The following TANC1 variants were observed in gnomAD, a reference collection of about 807,000 sequenced individuals.
TANC1 encodes protein TANC1.
In TANC1, 77 loss-of-function variants were observed where a neutral mutation model predicts 149.7. That is an observed-to-expected ratio of 0.51 (90% CI 0.43 to 0.62). The LOEUF is 0.62. Among genes scored for constraint, TANC1 ranks in the 20% least tolerant of loss-of-function variants. TANC1 has a pLI of 0.00. For missense variants in TANC1, 1,985 were observed against 2,321.8 expected, an observed-to-expected ratio of 0.85 and a Z score of 2.98; for synonymous variants, 854 against 925.0, an observed-to-expected ratio of 0.92 and a Z score of 1.39.
intron 14 of TANC1, among the ~76,000 whole-genome samples, chr2:159,181,410 C>T (rs1340251481): frequency 1.3e-5 from 2 of 152,086 alleles, no homozygotes; most frequent in Non-Finnish European, 2.9e-5. Flanking sequence ...CATTCTCCTG[C>T]CTCAGCCTTC....
chr2:159,157,777 T>C (rs2053590733), intron 7 of TANC1, among the ~76,000 whole-genome samples: 1 of 152,218 alleles, frequency 6.6e-6, no homozygotes, highest in African/African-American at 2.4e-5. Flanking sequence ...TGTCAACCAC[T>C]AAGCTAAATA....
At chr2:159,003,395 A>G (rs1408782779) in intron 2 of TANC1, among the ~76,000 whole-genome samples, 2 of 152,222 alleles carry the variant, frequency 1.3e-5, no homozygotes, top group East Asian at 3.8e-4. Flanking sequence ...ATTACCTAAC[A>G]GGATGCTTAG....
At chr2:159,105,437 C>G (rs2047086333) in intron 4 of TANC1, among the ~76,000 whole-genome samples, 1 of 152,222 alleles carries the variant, frequency 6.6e-6, no homozygotes, top group Non-Finnish European at 1.5e-5. Context: ...TAATTACACT[C>G]ACGTTGTTGT....
At chr2:159,057,871 C>T (rs1044275832) in intron 2 of TANC1, among the ~76,000 whole-genome samples, 1 of 152,202 alleles carries the variant, frequency 6.6e-6, no homozygotes, top group South Asian at 2.1e-4. Flanking sequence ...TTTGCTTTCT[C>T]TAATATATCT....
intron 5 of TANC1, among the ~76,000 whole-genome samples, chr2:159,138,592 A>G (rs1488441889): frequency 6.6e-6 from 1 of 152,218 alleles, no homozygotes; most frequent in African/African-American, 2.4e-5. Flanking sequence ...CAGATACATG[A>G]TGGGCAAACC....
intron 9 of TANC1, 68 bp downstream of exon 9, chr2:159,169,440 G>A: frequency 6.5e-7 from 1 of 1,538,890 alleles, no homozygotes; most frequent in Non-Finnish European, 8.9e-7. Context: ...GAAAGTCTGT[G>A]ATAACCAGCA....
intron 4 of TANC1, among the ~76,000 whole-genome samples, chr2:159,106,001 C>G (rs2047143174): frequency 6.6e-6 from 1 of 151,090 alleles, no homozygotes; most frequent in Admixed American, 6.6e-5. Flanking sequence ...GGTTCGTTTT[C>G]CATCTAATTA....
intron 2 of TANC1, among the ~76,000 whole-genome samples, chr2:159,047,136 C>A (rs2041125324): frequency 6.6e-6 from 1 of 151,764 alleles, no homozygotes; most frequent in Admixed American, 6.6e-5. Flanking sequence ...GACATTTCTG[C>A]TTGGATGACT....
In TANC1 at chr2:159,230,974, G is replaced by A; in HGVS notation, c.5548G>A (p.Ala1850Thr). 1 of 1,613,668 alleles carries A rather than the reference G, an allele frequency of 6.2e-7. No individual in the cohort carries two copies. The highest frequency in any genetic ancestry group is 8.5e-7 in the Non-Finnish European group (1 of 1,179,880). Residue 1850 changes from alanine (A) to threonine (T), a missense_variant, in exon 27 of 27, where the codon GCC becomes ACC. By Grantham distance (58) the Ala-to-Thr change is moderately conservative. Around this residue, in one of 3 missense-constraint regions of TANC1, gnomAD observed 920 missense variants for 994.7 expected, o/e 0.92. Transcript: ENST00000263635. The surrounding 1 kb of genome is among the most constrained non-coding windows in gnomAD (Gnocchi z 4.4). ...AGCCCACAGGAGCCACCTCACTGCA[G>A]CCAAACCAAAGCGATCATTTATAGA... ...NEAHRSHLTA[A>T]KPKRSFIESN...
In TANC1 at chr2:159,224,380, C is replaced by T. The variant is rs1321172000; in HGVS notation, c.3811+16C>T. 3.1e-6 allele frequency: 5 copies of T among 1,613,912 alleles called. No individual in the cohort carries two copies. In the African/African-American group the frequency reaches 5.3e-5, roughly 17 times the overall value. On this transcript the variant is annotated intron_variant, in intron 23 of 26. Coordinates refer to ENST00000263635, the MANE Select transcript of TANC1 (RefSeq NM_033394.3). ...GCCAAGTTAGGTCAGTGAGCACTGC[C>T]TCCATTGAGCAGGAGGAGCGGTGAG...
At chr2:159,165,189 C>G (rs1043977869) in intron 8 of TANC1, among the ~76,000 whole-genome samples, 1 of 152,098 alleles carries the variant, frequency 6.6e-6, no homozygotes, top group African/African-American at 2.4e-5. Flanking sequence ...GTTTTCTGCT[C>G]GATGTTCTTT....
At position 159,143,551 on chromosome 2, in the gene TANC1, CAAAAAAAAAAAAAAAAA is replaced by C. The variant is rs56992262; in HGVS notation, c.365-5574_365-5558del. Among the ~76,000 whole-genome samples the C allele has an allele frequency of 3.1e-4, 21 of 67,296 alleles. No individual in the cohort carries two copies. The East Asian group carries it at 4.7e-3, about 15-fold the overall frequency. The allele number at this position is 67,296 out of a possible 152,430, so 44.1% of individuals were successfully genotyped here. A position where few individuals can be genotyped will look rare whatever the true frequency, so the allele number is the denominator to read the frequency against. On this transcript the variant is annotated intron_variant, in intron 5 of 26. Transcript: ENST00000263635. ...TGAGTAACATAGCAAGACCCCATCT[CAAAAAAAAAAAAAAAAA>C]AAAAAAAAAAAAAAAATGGAAATTG...
chr2:159,044,717 T>C (rs1386025961), intron 2 of TANC1, among the ~76,000 whole-genome samples: 1 of 152,126 alleles, frequency 6.6e-6, no homozygotes, highest in Non-Finnish European at 1.5e-5. Flanking sequence ...ACTGGGGGCA[T>C]TGGAGACACC....
intron 25 of TANC1, chr2:159,228,478 T>C: frequency 3.0e-6 from 1 of 335,372 alleles, no homozygotes; most frequent in Non-Finnish European, 5.5e-6. Context: ...TGCTTGCTTC[T>C]GTGCCCTGCT....
chr2:159,143,489 GGAGGACTGCTT>G (rs1443026144), intron 5 of TANC1, among the ~76,000 whole-genome samples: 2 of 143,318 alleles, frequency 1.4e-5, no homozygotes, highest in East Asian at 4.0e-4. Context: ...GGCTGAGGCA[GGAGGACTGCTT>G]GAGCCCCAGG....
intron 16 of TANC1, among the ~76,000 whole-genome samples, chr2:159,192,314 T>G (rs2057507420): frequency 1.3e-5 from 2 of 152,220 alleles, no homozygotes; most frequent in Non-Finnish European, 2.9e-5. Context: ...TTTTTTTCTT[T>G]TTAAAAACAT....
chr2:159,228,784 T>A lies in TANC1; in HGVS notation c.4051-12T>A. On this transcript the variant is annotated splice_polypyrimidine_tract_variant and intron_variant, in intron 25 of 26. Transcript: ENST00000263635. Reference sequence around the variant, plus strand: ...GGCTGCTTCTGACTCCTGTATTTCTTGTCGACACCAGGACTTTGGCATGGC... The same window carrying A: ...GGCTGCTTCTGACTCCTGTATTTCTAGTCGACACCAGGACTTTGGCATGGC... The A allele has an allele frequency of 6.2e-7, 1 of 1,606,952 alleles. No homozygotes were observed. Among genetic ancestry groups the A allele is most frequent in the Non-Finnish European group, 8.5e-7 (1 of 1,173,522 alleles).
chr2:159,076,036 T>C (rs2043637542), intron 3 of TANC1, among the ~76,000 whole-genome samples: 1 of 152,230 alleles, frequency 6.6e-6, no homozygotes, highest in African/African-American at 2.4e-5. Context: ...TTCATTGTTT[T>C]TAATTAGCAT....
In TANC1 at chr2:159,230,588, C is replaced by T. The variant is rs201678428; in HGVS notation, c.5162C>T (p.Thr1721Met). 287 of 1,614,094 alleles carry T rather than the reference C, an allele frequency of 1.8e-4. No individual in the cohort carries two copies. The highest frequency in any genetic ancestry group is 4.1e-4 in the African/African-American group (31 of 74,932). ...ACAGCTGAGCACAGACCCCGCAACA[C>T]GCCGTTCATGGGCATCATGGATAAG... ...SGTAEHRPRN[T>M]PFMGIMDKTA... is the part of the protein sequence containing the mutation. Residue 1721 changes from threonine (T) to methionine (M), a missense_variant, in exon 27 of 27, where the codon ACG (threonine) becomes ATG (methionine). Physicochemically the swap from Thr to Met is moderately conservative, Grantham distance 81. Around this residue, in one of 3 missense-constraint regions of TANC1, gnomAD observed 920 missense variants for 994.7 expected, o/e 0.92. Coordinates refer to ENST00000263635, the MANE Select transcript of TANC1 (RefSeq NM_033394.3). This position sits in a 1 kb window ranked among gnomAD's most constrained non-coding sequence, Gnocchi z 4.4.
Sources: gnomAD v4.1 joint callset for allele counts (sites outside exome capture counted in the v4.1 genomes callset) on GRCh38, gnomAD v4.1.1 for gene constraint, gnomAD v4.1.1 regional missense constraint, Gnocchi (gnomAD v3.1) non-coding constraint, MANE v1.5 for transcripts, NCBI Gene and HGNC (gene_info 2026-07-23, HGNC 2026-07-21) for gene names.